Variants in DLG2 observed in about 807,000 individuals in gnomAD.
DLG2 encodes the protein disks large homolog 2.
A neutral mutation model predicts 132.5 loss-of-function variants in DLG2; 45 were observed. The ratio of observed to expected loss-of-function variants is 0.34; its 90% CI spans 0.27 to 0.44. DLG2 has a LOEUF of 0.44. Among genes scored for constraint, DLG2 ranks in the 20% least tolerant of loss-of-function variants. The pLI is 1.00. For synonymous variants in DLG2, 424 were observed against 419.6 expected, an observed-to-expected ratio of 1.01 and a Z score of -0.13; for missense variants, 1,045 against 1,196.9, an observed-to-expected ratio of 0.87 and a Z score of 1.87.
intron 7 of DLG2, among the ~76,000 whole-genome samples, chr11:84,509,248 G>A (rs2099250666): frequency 6.6e-6 from 1 of 152,168 alleles, no homozygotes; most frequent in Non-Finnish European, 1.5e-5. Flanking sequence ...AAGGGAATTA[G>A]AAAACCTGTG....
rs564344210 is a variant in DLG2, at chr11:85,044,788, C to T, written c.357+66873G>A. ...AACAAACACTCATATTCCAAATTCT[C>T]ATTTCTCAGAATCTCTTCAAAAATA... On this transcript the variant is annotated intron_variant, in intron 6 of 27. Coordinates refer to ENST00000376104, the MANE Select transcript of DLG2 (RefSeq NM_001142699.3). Among the ~76,000 whole-genome samples, 7 of 152,176 alleles carry T rather than the reference C, an allele frequency of 4.6e-5. No homozygotes were observed. In the South Asian group the frequency reaches 6.2e-4, roughly 14 times the overall value.
At chr11:84,963,566 G>A (rs1456128995) in intron 6 of DLG2, among the ~76,000 whole-genome samples, 1 of 152,142 alleles carries the variant, frequency 6.6e-6, no homozygotes, top group Non-Finnish European at 1.5e-5. Flanking sequence ...CATTTATAGT[G>A]AAAGGGGAAA....
At chr11:83,468,283 A>G (rs1368017962) in intron 25 of DLG2, among the ~76,000 whole-genome samples, 2 of 152,214 alleles carry the variant, frequency 1.3e-5, no homozygotes, top group African/African-American at 2.4e-5. Flanking sequence ...TTACTTAGGT[A>G]ATAGATTTCA....
chr11:84,823,031 T>C (rs1198013448), intron 6 of DLG2, among the ~76,000 whole-genome samples: 1 of 151,910 alleles, frequency 6.6e-6, no homozygotes, highest in East Asian at 1.9e-4. Flanking sequence ...TATTAGGTTA[T>C]ATAAGGGTAA....
At chr11:84,864,517 A>G (rs1371571848) in intron 6 of DLG2, among the ~76,000 whole-genome samples, 2 of 151,748 alleles carry the variant, frequency 1.3e-5, no homozygotes, top group Admixed American at 1.3e-4. Context: ...CCTTCCCTCT[A>G]CCCTCTCAGC....
chr11:84,784,821 G>A (rs950356877), intron 6 of DLG2, among the ~76,000 whole-genome samples: 2 of 152,064 alleles, frequency 1.3e-5, no homozygotes, highest in Non-Finnish European at 2.9e-5. Context: ...CCGTTGGGGA[G>A]ATGTTGGTCA....
At chr11:84,071,064 T>A (rs988167612) in intron 10 of DLG2, among the ~76,000 whole-genome samples, 2 of 152,152 alleles carry the variant, frequency 1.3e-5, no homozygotes, top group Non-Finnish European at 2.9e-5. Context: ...TATTTTAAAA[T>A]TTTTCATTTT....
chr11:84,978,112 T>C (rs1445252938), intron 6 of DLG2, among the ~76,000 whole-genome samples: 1 of 152,172 alleles, frequency 6.6e-6, no homozygotes. Flanking sequence ...TAAGGTACAC[T>C]GAAAATGTAC....
chr11:84,533,220 T>C lies in DLG2; in HGVS notation c.519+1350A>G, dbSNP rs530879628. 2.6e-5 allele frequency among the ~76,000 whole-genome samples: 4 copies of C among 152,338 alleles called. No homozygotes were observed. The South Asian group carries it at 8.3e-4, about 32-fold the overall frequency. ...TGTTCCCAAATATAATATACATTCC[T>C]GTCAGTTATGCACAGTGGATCTGCT... On this transcript the variant is annotated intron_variant, in intron 7 of 27. Coordinates refer to ENST00000376104, the MANE Select transcript of DLG2 (RefSeq NM_001142699.3).
At chr11:83,789,057 G>T (rs2040788022) in intron 17 of DLG2, among the ~76,000 whole-genome samples, 1 of 152,098 alleles carries the variant, frequency 6.6e-6, no homozygotes, top group Non-Finnish European at 1.5e-5. Context: ...TGAAACGAAG[G>T]CAACAGAAAA....
chr11:85,304,968 C>G (rs555798729), intron 3 of DLG2, among the ~76,000 whole-genome samples: 1 of 152,264 alleles, frequency 6.6e-6, no homozygotes, highest in South Asian at 2.1e-4. Context: ...AAGTATCTTT[C>G]CAGGTACATT....
chr11:84,913,488 T>C (rs2092257854), intron 6 of DLG2, among the ~76,000 whole-genome samples: 1 of 152,230 alleles, frequency 6.6e-6, no homozygotes, highest in Non-Finnish European at 1.5e-5. Flanking sequence ...CTTACCTGTA[T>C]TTATTTACTT....
intron 9 of DLG2, among the ~76,000 whole-genome samples, chr11:84,154,767 C>A (rs376253718): frequency 2.6e-5 from 4 of 151,954 alleles, no homozygotes; most frequent in Admixed American, 6.6e-5. Flanking sequence ...TTTGTCCCTG[C>A]GATAGTTTAC....
At chr11:84,533,371 CA>C (rs1188394341) in intron 7 of DLG2, among the ~76,000 whole-genome samples, 2 of 152,120 alleles carry the variant, frequency 1.3e-5, no homozygotes, top group Non-Finnish European at 2.9e-5. Flanking sequence ...TCATTTCCAC[CA>C]GTCATCCAAA....
rs77951893 is a variant in DLG2, at chr11:85,424,731, C to G, written c.41-139366G>C. ...GTGAGGTAAGACGAAGCAGACCTGACATTCAAACTCTGATTTTTTTTAACT... is the reference window on the plus strand; with the variant it reads ...GTGAGGTAAGACGAAGCAGACCTGAGATTCAAACTCTGATTTTTTTTAACT... On this transcript the variant is annotated intron_variant, in intron 3 of 27. Coordinates refer to ENST00000376104, the MANE Select transcript of DLG2 (RefSeq NM_001142699.3). 3.1e-3 allele frequency among the ~76,000 whole-genome samples: 465 copies of G among 152,224 alleles called. 1 individual carries two copies. The highest frequency in any genetic ancestry group is 0.011 in the African/African-American group (448 of 41,536).
chr11:84,167,133 T>C, intron 8 of DLG2: 2 of 407,772 alleles, frequency 4.9e-6, no homozygotes, highest in Non-Finnish European at 1.0e-5. Flanking sequence ...ATTAAACTTT[T>C]CAGTGTTTGA....
chr11:85,242,834 C>T (rs1482343880), intron 4 of DLG2, among the ~76,000 whole-genome samples: 1 of 151,610 alleles, frequency 6.6e-6, no homozygotes, highest in African/African-American at 2.4e-5. Flanking sequence ...TATTTGTTCC[C>T]TTTTTTCCTT....
At chr11:84,753,366 G>T (rs1826696881) in intron 6 of DLG2, among the ~76,000 whole-genome samples, 2 of 152,124 alleles carry the variant, frequency 1.3e-5, no homozygotes, top group African/African-American at 4.8e-5. Context: ...ATAATGGAGG[G>T]TTTGAATTAG....
chr11:84,714,056 T>C (rs1441920265), intron 6 of DLG2, among the ~76,000 whole-genome samples: 3 of 151,962 alleles, frequency 2.0e-5, no homozygotes, highest in Non-Finnish European at 4.4e-5. Context: ...ACTAGGAAAA[T>C]ACACACTAAA....
Sources: gnomAD v4.1 joint callset for allele counts (sites outside exome capture counted in the v4.1 genomes callset) on GRCh38, gnomAD v4.1.1 for gene constraint, MANE v1.5 for transcripts, NCBI Gene and HGNC (gene_info 2026-07-23, HGNC 2026-07-21) for gene names.